Variants in LDB2 observed in about 807,000 individuals in gnomAD.
LDB2 encodes LIM domain-binding protein 2.
LDB2 carries 12 observed loss-of-function variants against 44.3 expected under a neutral mutation model. The ratio of observed to expected loss-of-function variants is 0.27; its 90% CI spans 0.17 to 0.44. The LOEUF is 0.44. Among genes scored for constraint, LDB2 ranks in the 20% least tolerant of loss-of-function variants. The pLI is 1.00. For synonymous variants in LDB2, 164 were observed against 174.8 expected, an observed-to-expected ratio of 0.94 and a Z score of 0.49; for missense variants, 344 against 473.5, an observed-to-expected ratio of 0.73 and a Z score of 2.54.
At chr4:16,507,340 T>A (rs776547850) in intron 7 of LDB2, 1 of 152,012 alleles carries the variant, frequency 6.6e-6, no homozygotes, top group Non-Finnish European at 1.5e-5. Context: ...GCCCAAGGAA[T>A]CCTCAGGGTA....
intron 1 of LDB2, among the ~76,000 whole-genome samples, chr4:16,822,380 T>C (rs1782266628): frequency 6.6e-6 from 1 of 152,168 alleles, no homozygotes; most frequent in East Asian, 1.9e-4. Flanking sequence ...AGAGAGTATG[T>C]CAAGTGGAGG....
chr4:16,617,242 A>G (rs1404058880), intron 2 of LDB2, among the ~76,000 whole-genome samples: 1 of 152,200 alleles, frequency 6.6e-6, no homozygotes, highest in East Asian at 1.9e-4. Flanking sequence ...CAGGCACTTT[A>G]TAGAAACAAA....
At chr4:16,799,027 G>A (rs938542489) in intron 1 of LDB2, among the ~76,000 whole-genome samples, 13 of 151,750 alleles carry the variant, frequency 8.6e-5, no homozygotes, top group African/African-American at 3.1e-4. Flanking sequence ...ATTTTTTTTT[G>A]TATTTTTAGT....
intron 1 of LDB2, among the ~76,000 whole-genome samples, chr4:16,793,655 C>T (rs1462423184): frequency 8.5e-5 from 13 of 152,084 alleles, no homozygotes. Flanking sequence ...AATATTTCAC[C>T]AATTATTACT....
At chr4:16,773,226 T>A (rs893175004) in intron 1 of LDB2, among the ~76,000 whole-genome samples, 1 of 152,196 alleles carries the variant, frequency 6.6e-6, no homozygotes, top group Non-Finnish European at 1.5e-5. Context: ...CCAACCTTTT[T>A]GGCACCAGGG....
chr4:16,549,121 C>T (rs1736783139), intron 5 of LDB2, among the ~76,000 whole-genome samples: 1 of 152,188 alleles, frequency 6.6e-6, no homozygotes, highest in Non-Finnish European at 1.5e-5. Context: ...TTCTAGATAT[C>T]ATAGAGCTAA....
chr4:16,554,251 T>C (rs1189070878), intron 5 of LDB2, among the ~76,000 whole-genome samples: 1 of 152,078 alleles, frequency 6.6e-6, no homozygotes, highest in African/African-American at 2.4e-5. Flanking sequence ...GGTTTCTCCA[T>C]GTTGGTCAGG....
At chr4:16,752,691 T>C (rs939651056) in intron 2 of LDB2, among the ~76,000 whole-genome samples, 1 of 152,220 alleles carries the variant, frequency 6.6e-6, no homozygotes, top group East Asian at 1.9e-4. Flanking sequence ...GTGCATCTCA[T>C]TTAACCCTAA....
chr4:16,598,300 A>G (rs1027078224), intron 2 of LDB2, among the ~76,000 whole-genome samples: 19 of 152,178 alleles, frequency 1.2e-4, no homozygotes, highest in African/African-American at 4.6e-4. Context: ...ACAAAGTCCT[A>G]CTACTCTAAG....
intron 1 of LDB2, among the ~76,000 whole-genome samples, chr4:16,767,601 G>A (rs1167254250): frequency 6.6e-6 from 1 of 152,162 alleles, no homozygotes; most frequent in East Asian, 1.9e-4. Flanking sequence ...ATATTAATAA[G>A]TAAAAAGTGA....
chr4:16,712,110 A>C (rs1180879686), intron 2 of LDB2, among the ~76,000 whole-genome samples: 3 of 152,228 alleles, frequency 2.0e-5, no homozygotes, highest in Non-Finnish European at 4.4e-5. Context: ...AGAGATCCTG[A>C]AGGAAATGAA....
intron 5 of LDB2, among the ~76,000 whole-genome samples, chr4:16,523,088 T>C (rs905775330): frequency 5.9e-5 from 9 of 152,226 alleles, no homozygotes; most frequent in Non-Finnish European, 1.2e-4. Flanking sequence ...CAGGATTCTT[T>C]AGAGAAACAG....
intron 1 of LDB2, among the ~76,000 whole-genome samples, chr4:16,802,325 C>T (rs1236528823): frequency 6.6e-6 from 1 of 152,182 alleles, no homozygotes; most frequent in Non-Finnish European, 1.5e-5. Flanking sequence ...TTTCCTTTCC[C>T]TGTTCCTCAT....
chr4:16,868,933 G>A lies in LDB2; in HGVS notation c.132+29421C>T, dbSNP rs142062198. On this transcript the variant is annotated intron_variant, in intron 1 of 7. Transcript: ENST00000304523. The stretch of plus-strand genomic sequence containing the variant: ...TAATGAAGAGGAAGACGTTACTGGT[G>A]ATGATGATGCCGGTGATGAGAATGA... Among the ~76,000 whole-genome samples the A allele has an allele frequency of 3.3e-5, 5 of 152,250 alleles. No individual in the cohort carries two copies. In the East Asian group the frequency reaches 9.6e-4, roughly 29 times the overall value.
At chr4:16,851,079 G>A (rs1485785400) in intron 1 of LDB2, among the ~76,000 whole-genome samples, 1 of 151,712 alleles carries the variant, frequency 6.6e-6, no homozygotes, top group African/African-American at 2.4e-5. Flanking sequence ...GAGGGTCAGT[G>A]GAAGCAGTGG....
intron 2 of LDB2, among the ~76,000 whole-genome samples, chr4:16,725,738 T>C (rs1486949394): frequency 6.6e-6 from 1 of 151,984 alleles, no homozygotes; most frequent in African/African-American, 2.4e-5. Flanking sequence ...ACTATGAAGT[T>C]TTCCCACTCC....
chr4:16,716,757 A>ATGTTTTGAGAAACATGGATTG (rs1471463330), intron 2 of LDB2, among the ~76,000 whole-genome samples: 4 of 152,254 alleles, frequency 2.6e-5, no homozygotes, highest in Non-Finnish European at 2.9e-5. Flanking sequence ...ACATGGATTG[A>ATGTTTTGAGAAACATGGATTG]ATCCTTTCAC....
chr4:16,570,733 TA>T (rs5856367), intron 5 of LDB2, among the ~76,000 whole-genome samples: 18,425 of 151,672 alleles, frequency 0.12, 1,811 homozygotes, highest in East Asian at 0.45. Flanking sequence ...GAGCCAGTCA[TA>T]AAAAAAATTT....
intron 1 of LDB2, among the ~76,000 whole-genome samples, chr4:16,812,156 G>A (rs564952308): frequency 1.4e-4 from 22 of 152,138 alleles, no homozygotes; most frequent in African/African-American, 4.6e-4. Context: ...ATAGAGCTTC[G>A]GCATCTGGAG....
Sources: gnomAD v4.1 joint callset for allele counts (sites outside exome capture counted in the v4.1 genomes callset) on GRCh38, gnomAD v4.1.1 for gene constraint, MANE v1.5 for transcripts, NCBI Gene and HGNC (gene_info 2026-07-23, HGNC 2026-07-21) for gene names.